Variants in CNTNAP2 observed in about 807,000 individuals in gnomAD.
The protein encoded by CNTNAP2 is contactin-associated protein-like 2.
In CNTNAP2, 98 loss-of-function variants were observed where a neutral mutation model predicts 155.2. The ratio of observed to expected loss-of-function variants is 0.63; its 90% confidence interval spans 0.54 to 0.75. The LOEUF (loss-of-function observed/expected upper bound fraction) is 0.75. Among genes scored for constraint, CNTNAP2 ranks in the 30% least tolerant of loss-of-function variants. The pLI is 0.00. For synonymous variants in CNTNAP2, 651 were observed against 631.2 expected, an observed-to-expected ratio of 1.03 and a Z score of -0.47; for missense variants, 1,727 against 1,688.1, an observed-to-expected ratio of 1.02 and a Z score of -0.40.
chr7:147,885,267 T>C (rs1799585286), intron 13 of CNTNAP2, among the ~76,000 whole-genome samples: 1 of 152,238 alleles, frequency 6.6e-6, no homozygotes, highest in African/African-American at 2.4e-5. Context: ...GTCTCCCTTG[T>C]CCTTTTCTGG....
chr7:148,068,057 C>A (rs1202726128), intron 15 of CNTNAP2, among the ~76,000 whole-genome samples: 1 of 152,120 alleles, frequency 6.6e-6, no homozygotes, highest in Non-Finnish European at 1.5e-5. Flanking sequence ...GAGGTCTTGT[C>A]CCAGACTACA....
At chr7:146,241,534 T>G (rs1044358601) in intron 1 of CNTNAP2, among the ~76,000 whole-genome samples, 1 of 152,204 alleles carries the variant, frequency 6.6e-6, no homozygotes, top group Non-Finnish European at 1.5e-5. Flanking sequence ...AACTCTTCAC[T>G]GTACTAACTT....
intron 4 of CNTNAP2, among the ~76,000 whole-genome samples, chr7:147,050,438 T>C (rs1203576125): frequency 2.6e-5 from 4 of 152,216 alleles, no homozygotes; most frequent in South Asian, 4.1e-4. Context: ...CTAATTTTTA[T>C]ATAGGCTTTT....
At chr7:146,464,543 A>T (rs1410631128) in intron 1 of CNTNAP2, among the ~76,000 whole-genome samples, 1 of 151,454 alleles carries the variant, frequency 6.6e-6, no homozygotes, top group Non-Finnish European at 1.5e-5. Context: ...ATACTTTTTG[A>T]AGTAGTAAGT....
intron 15 of CNTNAP2, among the ~76,000 whole-genome samples, chr7:148,091,495 T>C (rs899993361): frequency 2.0e-5 from 3 of 152,218 alleles, no homozygotes; most frequent in Non-Finnish European, 4.4e-5. Flanking sequence ...GGCTGATGTA[T>C]GGTCCAGAGA....
chr7:146,149,481 G>A (rs1462743895), intron 1 of CNTNAP2, among the ~76,000 whole-genome samples: 2 of 151,984 alleles, frequency 1.3e-5, no homozygotes, highest in African/African-American at 2.4e-5. Flanking sequence ...CATCAAATTT[G>A]GGTGGACAGT....
At chr7:147,971,351 C>G (rs963114383) in intron 14 of CNTNAP2, among the ~76,000 whole-genome samples, 32 of 152,008 alleles carry the variant, frequency 2.1e-4, no homozygotes, top group African/African-American at 7.5e-4. Context: ...TACAAGTGTA[C>G]AGGTTTTTTT....
At chr7:146,345,067 C>T (rs915420826) in intron 1 of CNTNAP2, among the ~76,000 whole-genome samples, 1 of 152,198 alleles carries the variant, frequency 6.6e-6, no homozygotes, top group East Asian at 1.9e-4. Flanking sequence ...ATTTAGCAAA[C>T]AGAGTTCTTC....
chr7:146,293,832 G>GT (rs749593876), intron 1 of CNTNAP2, among the ~76,000 whole-genome samples: 3 of 151,904 alleles, frequency 2.0e-5, no homozygotes, highest in Non-Finnish European at 4.4e-5. Flanking sequence ...AATTTAAAAG[G>GT]TAAAAAATAT....
intron 1 of CNTNAP2, among the ~76,000 whole-genome samples, chr7:146,271,444 G>T (rs999027315): frequency 4.6e-5 from 7 of 151,698 alleles, no homozygotes; most frequent in African/African-American, 1.7e-4. Context: ...TTATCTAATT[G>T]AATTAACTCC....
intron 3 of CNTNAP2, among the ~76,000 whole-genome samples, chr7:147,037,451 T>C (rs1563053110): frequency 6.7e-6 from 1 of 149,326 alleles, no homozygotes; most frequent in African/African-American, 2.4e-5. Context: ...TGTTTTTTTT[T>C]TCCCTTTTTT....
chr7:147,498,030 A>T (rs1468183596), intron 11 of CNTNAP2, among the ~76,000 whole-genome samples: 2 of 152,148 alleles, frequency 1.3e-5, no homozygotes, highest in African/African-American at 4.8e-5. Flanking sequence ...CCAGGAGAGA[A>T]GTACTGGGAT....
intron 13 of CNTNAP2, among the ~76,000 whole-genome samples, chr7:147,642,645 C>T (rs1263111869): frequency 6.6e-6 from 1 of 152,098 alleles, no homozygotes; most frequent in Non-Finnish European, 1.5e-5. Flanking sequence ...TTTCTTTAAC[C>T]TCTAGATACC....
chr7:148,167,047 A>T (rs1805680892), intron 17 of CNTNAP2, among the ~76,000 whole-genome samples: 1 of 152,344 alleles, frequency 6.6e-6, no homozygotes, highest in Non-Finnish European at 1.5e-5. Flanking sequence ...GCAAGAAAAG[A>T]GCCTAATTTA....
chr7:146,166,570 TA>T (rs1798315797), intron 1 of CNTNAP2, among the ~76,000 whole-genome samples: 1 of 152,206 alleles, frequency 6.6e-6, no homozygotes, highest in South Asian at 2.1e-4. Context: ...GAAATACACT[TA>T]AAAATTTTCT....
chr7:146,795,085 A>G (rs1389273612), intron 2 of CNTNAP2, among the ~76,000 whole-genome samples: 2 of 152,160 alleles, frequency 1.3e-5, no homozygotes, highest in South Asian at 2.1e-4. Flanking sequence ...AATCACAGAC[A>G]TAATGTAAGT....
At chr7:146,518,412 A>G (rs1047428255) in intron 1 of CNTNAP2, among the ~76,000 whole-genome samples, 1 of 151,918 alleles carries the variant, frequency 6.6e-6, no homozygotes, top group Admixed American at 6.6e-5. Flanking sequence ...AAAGTTACGC[A>G]TCCAGTAAAT....
At chr7:147,606,266 T>C (rs1801061831) in intron 12 of CNTNAP2, among the ~76,000 whole-genome samples, 1 of 152,218 alleles carries the variant, frequency 6.6e-6, no homozygotes, top group South Asian at 2.1e-4. Context: ...TGAATCACCT[T>C]AGTGTTGCCA....
chr7:147,774,829 T>A (rs1797532852), intron 13 of CNTNAP2, among the ~76,000 whole-genome samples: 1 of 152,110 alleles, frequency 6.6e-6, no homozygotes, highest in African/African-American at 2.4e-5. Context: ...AAGATAGAAA[T>A]GTACCTTAAA....
Sources: gnomAD v4.1 joint callset for allele counts (sites outside exome capture counted in the v4.1 genomes callset) on GRCh38, gnomAD v4.1.1 for gene constraint, MANE v1.5 for transcripts, NCBI Gene and HGNC (gene_info 2026-07-23, HGNC 2026-07-21) for gene names.